The following PDIA5 variants were observed in gnomAD, a reference collection of about 807,000 sequenced individuals.
PDIA5 encodes the protein protein disulfide isomerase family A member 5.
A neutral mutation model predicts 77.6 loss-of-function variants in PDIA5; 58 were observed. The ratio of observed to expected loss-of-function variants is 0.75; its 90% CI spans 0.61 to 0.93. The LOEUF is 0.93. PDIA5 is among the 40% of genes least tolerant of loss of function. PDIA5 has a pLI of 0.00. For missense variants in PDIA5, 630 were observed against 647.7 expected (o/e 0.97, Z 0.30); for synonymous variants, 250 against 252.1 (o/e 0.99, Z 0.08).
At position 123,150,219 on chromosome 3, in the gene PDIA5, C is replaced by T; in HGVS notation, c.1143-15C>T. On this transcript the variant is annotated splice_polypyrimidine_tract_variant and intron_variant, in intron 13 of 16. Transcript: ENST00000316218. ...CTCCTTATGGCTGCCTCCCCACTCC[C>T]CTGGCTTCTTGCAGCCCTGAGGCCC... The T allele has an allele frequency of 6.2e-7, 1 of 1,605,322 alleles. No individual in the cohort carries two copies.
intron 6 of PDIA5, among the ~76,000 whole-genome samples, chr3:123,108,390 C>T (rs1056443291): frequency 8.0e-5 from 12 of 150,752 alleles, no homozygotes; most frequent in African/African-American, 2.2e-4. Context: ...AAGCGATTCT[C>T]GTACCTTGGC....
At chr3:123,069,015 G>A (rs1933659640) in intron 1 of PDIA5, among the ~76,000 whole-genome samples, 1 of 152,214 alleles carries the variant, frequency 6.6e-6, no homozygotes, top group African/African-American at 2.4e-5. Context: ...AGAGCAGGTA[G>A]GTTTGCTGAA....
intron 5 of PDIA5, among the ~76,000 whole-genome samples, chr3:123,104,216 CG>C (rs1424037261): frequency 1.3e-5 from 2 of 152,070 alleles, no homozygotes; most frequent in African/African-American, 2.4e-5. Context: ...GAGCATCGTA[CG>C]GGGCCAGAGT....
intron 11 of PDIA5, among the ~76,000 whole-genome samples, chr3:123,134,780 C>G (rs1935458101): frequency 6.6e-6 from 1 of 152,232 alleles, no homozygotes; most frequent in South Asian, 2.1e-4. Context: ...ACAGGCCACA[C>G]TGAGATTTAC....
intron 11 of PDIA5, among the ~76,000 whole-genome samples, chr3:123,142,393 C>CT (rs1303509319): frequency 6.6e-6 from 1 of 152,222 alleles, no homozygotes; most frequent in Non-Finnish European, 1.5e-5. Context: ...CAAAACAACC[C>CT]TTTTGTGACT....
intron 1 of PDIA5, among the ~76,000 whole-genome samples, chr3:123,086,537 A>T (rs182146639): frequency 6.6e-6 from 1 of 152,366 alleles, no homozygotes; most frequent in East Asian, 1.9e-4. Flanking sequence ...TTTTTCTGGC[A>T]GAAATTAACA....
chr3:123,127,498 A>G (rs1935268725), intron 10 of PDIA5, among the ~76,000 whole-genome samples: 1 of 152,214 alleles, frequency 6.6e-6, no homozygotes, highest in Admixed American at 6.5e-5. Flanking sequence ...AGCTAGGTGA[A>G]GAAAGGACCA....
chr3:123,104,326 C>G (rs957675729), intron 5 of PDIA5, among the ~76,000 whole-genome samples: 2 of 152,172 alleles, frequency 1.3e-5, no homozygotes, highest in African/African-American at 4.8e-5. Flanking sequence ...GGGAAGGGGA[C>G]AGGACAGTTC....
Position 123,111,023 on chromosome 3 carries a change from T to C in PDIA5, c.541+19T>C. The stretch of plus-strand genomic sequence containing the variant: ...GCCCCCTGTGAGTGAACTTTCTCCC[T>C]TGGGCCAGAGCTAGTTGTTTAGTCT... On this transcript the variant is annotated intron_variant, in intron 7 of 16. Transcript: ENST00000316218. 1.2e-6 allele frequency: 2 copies of C among 1,606,446 alleles called. No individual in the cohort carries two copies. The highest frequency in any genetic ancestry group is 1.7e-6 in the Non-Finnish European group (2 of 1,173,110).
intron 3 of PDIA5, among the ~76,000 whole-genome samples, chr3:123,098,239 C>T (rs921112494): frequency 2.4e-4 from 36 of 152,264 alleles, no homozygotes; most frequent in African/African-American, 8.2e-4. Context: ...CGCCAGAGGT[C>T]GCTAATGGCA....
At chr3:123,067,998 T>TG (rs933483418) in intron 1 of PDIA5, among the ~76,000 whole-genome samples, 8 of 151,850 alleles carry the variant, frequency 5.3e-5, no homozygotes, top group Non-Finnish European at 1.0e-4. Context: ...CTACACTTGG[T>TG]GGGGGGGACT....
At chr3:123,126,230 G>C (rs3792378) in intron 10 of PDIA5, among the ~76,000 whole-genome samples, 1 of 150,114 alleles carries the variant, frequency 6.7e-6, no homozygotes, top group African/African-American at 2.5e-5. Flanking sequence ...CTCTCCTCTC[G>C]GCACACCCCA....
intron 1 of PDIA5, among the ~76,000 whole-genome samples, chr3:123,068,573 T>G (rs1037840956): frequency 3.9e-5 from 6 of 152,216 alleles, no homozygotes; most frequent in Non-Finnish European, 8.8e-5. Flanking sequence ...ACGCCCCCCA[T>G]CGGTCTTTGC....
At chr3:123,142,626 T>TCTGA (rs1653607372) in intron 11 of PDIA5, among the ~76,000 whole-genome samples, 1 of 152,232 alleles carries the variant, frequency 6.6e-6, no homozygotes, top group African/African-American at 2.4e-5. Context: ...CTCCACAATG[T>TCTGA]CTGACTGCAG....
chr3:123,161,122 C>T (rs1287203736), intron 15 of PDIA5, among the ~76,000 whole-genome samples, 199 bp from the exon 16 acceptor site: 4 of 152,128 alleles, frequency 2.6e-5, no homozygotes, highest in Admixed American at 2.6e-4. Context: ...CTAACCTTAC[C>T]CATCTGGAAA....
At chr3:123,098,769 G>C (rs1934509527) in intron 3 of PDIA5, among the ~76,000 whole-genome samples, 1 of 152,184 alleles carries the variant, frequency 6.6e-6, no homozygotes, top group Non-Finnish European at 1.5e-5. Context: ...GGAGTCAGGT[G>C]AGGGTCTTTG....
intron 15 of PDIA5, among the ~76,000 whole-genome samples, chr3:123,156,385 T>C (rs1462433177): frequency 1.3e-5 from 2 of 152,178 alleles, no homozygotes; most frequent in African/African-American, 4.8e-5. Flanking sequence ...CCAGAAGCGT[T>C]TTCTCCTCTG....
At chr3:123,113,311 C>A (rs926936480) in intron 7 of PDIA5, among the ~76,000 whole-genome samples, 5 of 152,142 alleles carry the variant, frequency 3.3e-5, no homozygotes, top group Non-Finnish European at 4.4e-5. Flanking sequence ...GAAGTGTGCA[C>A]GGGCAGTTTG....
chr3:123,093,014 T>C (rs1022554332), intron 3 of PDIA5, among the ~76,000 whole-genome samples: 1 of 152,230 alleles, frequency 6.6e-6, no homozygotes, highest in African/African-American at 2.4e-5. Flanking sequence ...ATAAGCCCTG[T>C]TACTACCCTG....
Sources: gnomAD v4.1 joint callset for allele counts (sites outside exome capture counted in the v4.1 genomes callset) on GRCh38, gnomAD v4.1.1 for gene constraint, MANE v1.5 for transcripts, NCBI Gene and HGNC (gene_info 2026-07-23, HGNC 2026-07-21) for gene names.